PCLO: variants seen among roughly 807,000 people sequenced by gnomAD.
The protein encoded by PCLO is piccolo presynaptic cytomatrix protein, also known as protein piccolo.
In PCLO, 82 loss-of-function variants were observed where a neutral mutation model predicts 427.5. The ratio of observed to expected loss-of-function variants is 0.19; its 90% confidence interval spans 0.16 to 0.23. PCLO has a LOEUF of 0.23. Among genes scored for constraint, PCLO ranks in the 10% least tolerant of loss-of-function variants. The pLI is 1.00. For missense variants in PCLO, 6,239 were observed against 6,115.9 expected (o/e 1.02, Z -0.67); for synonymous variants, 2,357 against 2,155.4 (o/e 1.09, Z -2.59).
At chr7:82,898,638 T>G (rs955419298) in intron 9 of PCLO, among the ~76,000 whole-genome samples, 1 of 151,434 alleles carries the variant, frequency 6.6e-6, no homozygotes, top group Non-Finnish European at 1.5e-5. Context: ...TGCTTAAATC[T>G]TTGTCTTGTC....
intron 9 of PCLO, among the ~76,000 whole-genome samples, chr7:82,891,547 T>C (rs1039425066): frequency 5.9e-5 from 9 of 151,680 alleles, no homozygotes; most frequent in Non-Finnish European, 1.0e-4. Flanking sequence ...TGCCTGATTG[T>C]CCTAGCCAGA....
chr7:83,155,673 T>G lies in PCLO; in HGVS notation c.968A>C (p.Lys323Thr), dbSNP rs1173058225. ...KPPAQQPGHEKSQPGPAKPPA... is the reference protein window; with the variant it reads ...KPPAQQPGHETSQPGPAKPPA... ...GGGCTTTGCAGGCCCAGGCTGTGAT[T>G]TTTCATGTCCAGGCTGCTGTGCTGG... Residue 323 changes from lysine (K) to threonine (T), a missense_variant, in exon 2 of 25, where the codon AAA (lysine) becomes ACA (threonine). This residue lies in a region of PCLO where 4,677 missense variants were observed against 4,468.4 expected (regional missense o/e 1.05). Coordinates refer to ENST00000333891, the MANE Select transcript of PCLO (RefSeq NM_033026.6). 1.2e-6 allele frequency: 2 copies of G among 1,613,206 alleles called. No individual in the cohort carries two copies. Among genetic ancestry groups the G allele is most frequent in the African/African-American group, 2.7e-5 (2 of 74,880 alleles).
intron 3 of PCLO, among the ~76,000 whole-genome samples, chr7:83,038,025 A>ATATATATATATATATTTATATT (rs1562932933): frequency 2.2e-4 from 11 of 49,096 alleles, no homozygotes; most frequent in Admixed American, 6.5e-4. Flanking sequence ...ATATATATAT[A>ATATATATATATATATTTATATT]TATATTTATA....
intron 3 of PCLO, among the ~76,000 whole-genome samples, chr7:83,015,417 A>G (rs1788182635): frequency 1.3e-5 from 2 of 151,574 alleles, no homozygotes; most frequent in South Asian, 4.2e-4. Context: ...TCTTTTCTTT[A>G]CTGTACACAT....
At chr7:82,880,079 G>A (rs1793466483) in intron 9 of PCLO, among the ~76,000 whole-genome samples, 1 of 152,080 alleles carries the variant, frequency 6.6e-6, no homozygotes, top group South Asian at 2.1e-4. Flanking sequence ...TTAGCCACAT[G>A]AAAAGACCAG....
At chr7:83,124,689 T>C (rs1791381316) in intron 3 of PCLO, among the ~76,000 whole-genome samples, 1 of 152,124 alleles carries the variant, frequency 6.6e-6, no homozygotes, top group African/African-American at 2.4e-5. Flanking sequence ...AGGGAATATG[T>C]GTATAAAAGA....
At chr7:83,011,375 ATTGT>A (rs1405456320) in intron 3 of PCLO, among the ~76,000 whole-genome samples, 2 of 151,944 alleles carry the variant, frequency 1.3e-5, no homozygotes, top group African/African-American at 4.8e-5. Flanking sequence ...GTTTTTTGTC[ATTGT>A]TTGATTAATC....
At chr7:83,082,008 T>G (rs1790112674) in intron 3 of PCLO, among the ~76,000 whole-genome samples, 1 of 151,576 alleles carries the variant, frequency 6.6e-6, no homozygotes, top group Admixed American at 6.6e-5. Context: ...CAGTTTCTGT[T>G]TATATATGAA....
chr7:83,084,345 C>A (rs994034713), intron 3 of PCLO, among the ~76,000 whole-genome samples: 10 of 151,746 alleles, frequency 6.6e-5, no homozygotes, highest in African/African-American at 2.4e-4. Flanking sequence ...ATCTTTGAAG[C>A]CCGGTAGCAG....
chr7:82,829,499 G>A (rs1792037603), intron 16 of PCLO, among the ~76,000 whole-genome samples: 1 of 152,080 alleles, frequency 6.6e-6, no homozygotes, highest in African/African-American at 2.4e-5. Context: ...AAGAAATAAA[G>A]CAGCATTCCT....
At chr7:82,759,323 T>G (rs566636459) in intron 24 of PCLO, among the ~76,000 whole-genome samples, 1 of 151,956 alleles carries the variant, frequency 6.6e-6, no homozygotes, top group Non-Finnish European at 1.5e-5. Context: ...TCCTTGTAAT[T>G]TTATTCTCTT....
At chr7:82,770,093 T>A (rs1206173867) in intron 22 of PCLO, among the ~76,000 whole-genome samples, 1 of 152,074 alleles carries the variant, frequency 6.6e-6, no homozygotes, top group Non-Finnish European at 1.5e-5. Context: ...TTTCCTTCCT[T>A]TTATTGTTTC....
chr7:82,954,342 T>C lies in PCLO; in HGVS notation c.6611A>G (p.Asp2204Gly), dbSNP rs746211252. 32 of 1,613,690 alleles carry C rather than the reference T, an allele frequency of 2.0e-5. No individual in the cohort carries two copies. The highest frequency in any genetic ancestry group is 2.6e-5 in the Non-Finnish European group (31 of 1,179,740). Residue 2204 changes from aspartate (D) to glycine (G), a missense_variant, in exon 5 of 25, where the codon GAT becomes GGT. By Grantham distance (94) the Asp-to-Gly change is moderately conservative (BLOSUM62 -1). Around this residue, in one of 5 missense-constraint regions of PCLO, gnomAD observed 4,677 missense variants for 4,468.4 expected, o/e 1.05. Transcript: ENST00000333891. ...CTCTGTATAAACTGTGGTTATGCTA[T>C]CCAGGGTAGTAATGGGTGAAGAGCT... ...TDSSSPITTL[D>G]SITTVYTEPV...
chr7:83,122,890 A>G (rs968220133), intron 3 of PCLO, among the ~76,000 whole-genome samples: 5 of 152,152 alleles, frequency 3.3e-5, no homozygotes, highest in African/African-American at 1.2e-4. Context: ...TACAATTGCT[A>G]CAAATTAAAT....
chr7:82,888,442 T>C (rs1050400945), intron 9 of PCLO, among the ~76,000 whole-genome samples: 2 of 152,210 alleles, frequency 1.3e-5, no homozygotes, highest in African/African-American at 2.4e-5. Context: ...TAGCTCACCA[T>C]ATTTTGCCTC....
rs1788849048 is a variant in PCLO, at chr7:83,038,017, ATATAT to A, written c.3301-71535_3301-71531del. ...TATATATATATATATATATATATAT[ATATAT>A]ATATATATTTATATATTTATATATA... On this transcript the variant is annotated intron_variant, in intron 3 of 24. Coordinates refer to ENST00000333891, the MANE Select transcript of PCLO (RefSeq NM_033026.6). Among the ~76,000 whole-genome samples, 3 of 44,928 alleles carry A rather than the reference ATATAT, an allele frequency of 6.7e-5. 1 individual carries two copies. The highest frequency in any genetic ancestry group is 4.3e-4 in the African/African-American group (3 of 6,950). 29.5% of individuals were successfully genotyped at this position (44,928 alleles called of 152,430 possible). A position where few individuals can be genotyped will look rare whatever the true frequency, so the allele number is the denominator to read the frequency against.
At chr7:83,055,226 G>A (rs781441482) in intron 3 of PCLO, among the ~76,000 whole-genome samples, 2 of 152,212 alleles carry the variant, frequency 1.3e-5, no homozygotes, top group South Asian at 2.1e-4. Context: ...TAAATGGGAC[G>A]CCTTCTCACC....
At chr7:82,770,443 A>G (rs1221723862) in intron 22 of PCLO, among the ~76,000 whole-genome samples, 1 of 152,014 alleles carries the variant, frequency 6.6e-6, no homozygotes, top group Non-Finnish European at 1.5e-5. Context: ...GCACTTGACA[A>G]TTTATGCCTA....
chr7:83,009,934 A>C (rs1283228650), intron 3 of PCLO, among the ~76,000 whole-genome samples: 2 of 151,916 alleles, frequency 1.3e-5, no homozygotes, highest in African/African-American at 4.8e-5. Flanking sequence ...GAATACATTA[A>C]TTTGTAACAT....
Sources: allele counts gnomAD v4.1 joint callset (sites outside exome capture counted in the v4.1 genomes callset), GRCh38; gene constraint gnomAD v4.1.1; regional missense constraint gnomAD v4.1.1; transcripts MANE v1.5; gene names NCBI Gene and HGNC (gene_info 2026-07-23, HGNC 2026-07-21).